The following DENND2B variants were observed in gnomAD, a reference collection of about 807,000 sequenced individuals.
DENND2B encodes the protein DENN domain-containing protein 2B.
DENND2B carries 32 observed loss-of-function variants against 116.0 expected under a neutral mutation model. The observed-to-expected ratio is 0.28, with a 90% CI of 0.21 to 0.37. The LOEUF is 0.37. Ranked by LOEUF, DENND2B falls within the 10% of genes least tolerant of loss-of-function variation. The pLI is 1.00. For missense variants in DENND2B, 1,276 were observed against 1,477.7 expected (o/e 0.86, Z 2.24); for synonymous variants, 588 against 583.9 (o/e 1.01, Z -0.10).
chr11:8,718,291 A>C (rs2045433101), intron 4 of DENND2B: 3 of 1,346,488 alleles, frequency 2.2e-6, no homozygotes, highest in East Asian at 5.0e-5. Flanking sequence ...AGTTCAAGGT[A>C]GGAAGGGTTT....
intron 1 of DENND2B, among the ~76,000 whole-genome samples, chr11:8,791,413 G>A (rs1401786156): frequency 3.3e-5 from 5 of 152,062 alleles, no homozygotes; most frequent in African/African-American, 1.2e-4. Flanking sequence ...AGAAGACTTG[G>A]GTGAAATTTT....
intron 4 of DENND2B, among the ~76,000 whole-genome samples, chr11:8,820,014 G>C (rs1475853098): frequency 1.3e-5 from 2 of 152,094 alleles, no homozygotes; most frequent in Non-Finnish European, 2.9e-5. Context: ...CAAATTTAAA[G>C]ATAAGTAAAT....
At chr11:8,771,566 A>AGAGAGCGAGC (rs146752028) in intron 1 of DENND2B, 1 of 120,310 alleles carries the variant, frequency 8.3e-6, no homozygotes, top group Non-Finnish European at 1.8e-5. Flanking sequence ...AGAGAGAGAG[A>AGAGAGCGAGC]GCCTTCTTCC....
chr11:8,719,952 C>A (rs2045864355), intron 4 of DENND2B, among the ~76,000 whole-genome samples: 1 of 152,178 alleles, frequency 6.6e-6, no homozygotes, highest in Non-Finnish European at 1.5e-5. Context: ...TTGAATAATT[C>A]TTGTTGTGGT....
chr11:8,705,594 A>T, intron 13 of DENND2B, among the ~76,000 whole-genome samples: 1 of 152,098 alleles, frequency 6.6e-6, no homozygotes, highest in Non-Finnish European at 1.5e-5. Flanking sequence ...TGGGGGTCTC[A>T]TGGGCATCTC....
chr11:8,742,792 C>T (rs1304289980), intron 2 of DENND2B, among the ~76,000 whole-genome samples: 22 of 151,784 alleles, frequency 1.4e-4, no homozygotes, highest in African/African-American at 3.9e-4. Flanking sequence ...TGGCTGGGCA[C>T]GGTGGCTCAC....
At chr11:8,797,073 C>T (rs2059878608) in intron 1 of DENND2B, among the ~76,000 whole-genome samples, 1 of 152,176 alleles carries the variant, frequency 6.6e-6, no homozygotes, top group South Asian at 2.1e-4. Flanking sequence ...GATATACCAA[C>T]CAGAGTGGAA....
intron 3 of DENND2B, among the ~76,000 whole-genome samples, chr11:8,726,890 G>A (rs1592780847): frequency 1.3e-5 from 2 of 152,224 alleles, no homozygotes; most frequent in African/African-American, 4.8e-5. Flanking sequence ...TAAGACCACT[G>A]CCAAGGTGGA....
intron 3 of DENND2B, among the ~76,000 whole-genome samples, chr11:8,727,572 A>T (rs1238426621): frequency 6.6e-6 from 1 of 152,254 alleles, no homozygotes; most frequent in African/African-American, 2.4e-5. Flanking sequence ...CTTTCTAGGG[A>T]CCAAATATCC....
At chr11:8,829,110 G>A (rs1409770430) in intron 4 of DENND2B, among the ~76,000 whole-genome samples, 2 of 150,926 alleles carry the variant, frequency 1.3e-5, no homozygotes, top group African/African-American at 2.4e-5. Flanking sequence ...GGTATGTGGT[G>A]TGCTTTTGTG....
intron 1 of DENND2B, among the ~76,000 whole-genome samples, chr11:8,779,675 G>A (rs1033169461): frequency 2.6e-5 from 4 of 151,876 alleles, no homozygotes; most frequent in Admixed American, 2.6e-4. Context: ...CACCACACCG[G>A]CTAATATTTT....
At chr11:8,706,974 G>C (rs926155449) in intron 13 of DENND2B, 111 bp downstream of exon 13, 80 of 1,368,182 alleles carry the variant, frequency 5.8e-5, no homozygotes, top group Non-Finnish European at 7.7e-5. Flanking sequence ...AGACATGGTT[G>C]AGCAAGGAGG....
At chr11:8,763,534 T>C (rs1200751092) in intron 1 of DENND2B, among the ~76,000 whole-genome samples, 1 of 151,706 alleles carries the variant, frequency 6.6e-6, no homozygotes, top group Non-Finnish European at 1.5e-5. Flanking sequence ...TTTTACATAA[T>C]GATTACTATA....
At chr11:8,880,349 GTGTGTGT>G (rs772876907) in intron 2 of DENND2B, among the ~76,000 whole-genome samples, 12,055 of 149,948 alleles carry the variant, frequency 0.08, 691 homozygotes, top group East Asian at 0.23. Context: ...TTTGAACTGT[GTGTGTGT>G]GTGTGTGTGT....
intron 1 of DENND2B, chr11:8,776,387 ATG>A: frequency 5.2e-6 from 2 of 386,996 alleles, no homozygotes; most frequent in Admixed American, 6.3e-5. Flanking sequence ...TCCACAAACA[ATG>A]ACCAAGCACC....
At chr11:8,762,437 A>G (rs1048258840) in intron 1 of DENND2B, among the ~76,000 whole-genome samples, 2 of 152,240 alleles carry the variant, frequency 1.3e-5, no homozygotes, top group Non-Finnish European at 2.9e-5. Flanking sequence ...CTTCCCAGTG[A>G]AGGGTCTGAC....
chr11:8,815,472 A>AG (rs1322514039), upstream of DENND2B, among the ~76,000 whole-genome samples: 2 of 152,044 alleles, frequency 1.3e-5, no homozygotes, highest in Admixed American at 1.3e-4. Context: ...CAACCACCCG[A>AG]TTACAGGCAC....
In DENND2B at chr11:8,863,571, T is replaced by A. The variant is rs187375649; in HGVS notation, c.-249-6135A>T. ...ACTTCCTATGCAAACACTGTGGTCCTGAGTGCTATTCTAATTCAAAAGAGT... is the reference window on the plus strand; with the variant it reads ...ACTTCCTATGCAAACACTGTGGTCCAGAGTGCTATTCTAATTCAAAAGAGT... On this transcript the variant is annotated intron_variant, in intron 2 of 6. Coordinates refer to the DENND2B transcript ENST00000524757. Among the ~76,000 whole-genome samples the A allele has an allele frequency of 3.9e-4, 59 of 152,172 alleles. No homozygotes were observed. In the East Asian group the frequency reaches 9.3e-3, roughly 24 times the overall value.
At chr11:8,742,422 G>A (rs2050384273) in intron 2 of DENND2B, among the ~76,000 whole-genome samples, 1 of 152,120 alleles carries the variant, frequency 6.6e-6, no homozygotes, top group South Asian at 2.1e-4. Flanking sequence ...TTAAAACAGT[G>A]ACTTTTGGGC....
Sources: gnomAD v4.1 joint callset for allele counts (sites outside exome capture counted in the v4.1 genomes callset) on GRCh38, gnomAD v4.1.1 for gene constraint, MANE v1.5 for transcripts, NCBI Gene and HGNC (gene_info 2026-07-23, HGNC 2026-07-21) for gene names.